IBA57: variants seen among roughly 807,000 people sequenced by gnomAD.
The protein encoded by IBA57 is iron-sulfur cluster assembly factor IBA57.
Under a neutral mutation model 20.4 loss-of-function variants are expected in IBA57, and 20 were observed. The observed-to-expected ratio is 0.98, with a 90% CI of 0.69 to 1.42. The LOEUF (loss-of-function observed/expected upper bound fraction) is 1.42. Ranked by LOEUF, IBA57 falls within the 40% of genes most tolerant of loss-of-function variation. The pLI, the probability that IBA57 is intolerant of heterozygous loss-of-function variation, is 0.00. For missense variants in IBA57, 608 were observed against 499.3 expected (o/e 1.22, Z -2.07); for synonymous variants, 310 against 233.9 (o/e 1.33, Z -2.97).
chr1:228,173,447 C>G (rs2034955207), intron 1 of IBA57: 1 of 151,268 alleles, frequency 6.6e-6, no homozygotes, highest in Non-Finnish European at 1.5e-5. Flanking sequence ...CCTCTTCCCA[C>G]CATCCGTCTG....
rs72757811 is a variant in IBA57 at position 228,181,161 on chromosome 1, T to C, written c.*5648T>C. 37,751 of 152,158 alleles carry C rather than the reference T, an allele frequency of 0.25. 5,798 individuals carry two copies. Among genetic ancestry groups the C allele is most frequent in the Non-Finnish European group, 0.35 (23,858 of 68,002 alleles). 9.4% of individuals were successfully genotyped at this position (152,158 alleles called of 1,614,324 possible). On this transcript the variant is annotated 3_prime_UTR_variant, in exon 3 of 3. Coordinates refer to ENST00000366711, the MANE Select transcript of IBA57 (RefSeq NM_001010867.4). ...TATGAAAGGGTAAGTCCAGCCCGCT[T>C]GTGCCTCTCTTGCCCTCCAGTGTTC...
intron 1 of IBA57, among the ~76,000 whole-genome samples, chr1:228,167,211 A>G (rs2034865333): frequency 6.6e-6 from 1 of 152,178 alleles, no homozygotes; most frequent in Non-Finnish European, 1.5e-5. Flanking sequence ...TCCATATCAC[A>G]TCTCTGGGCA....
rs2035002936 is a variant in IBA57 at position 228,175,495 on chromosome 1, G to A, written c.1053G>A (p.Trp351Ter). 2 of 1,576,954 alleles carry A rather than the reference G, an allele frequency of 1.3e-6. No individual in the cohort carries two copies. Among genetic ancestry groups the A allele is most frequent in the Admixed American group, 3.5e-5 (2 of 56,652 alleles). ...TAGCCGCATCTGTGCCAGACTGGTG[G>A]CCTACAGTCTCCAAGTAGTCCGAAG... ...VALAASVPDW[W>*]PTVSK The change falls in exon 3 of 3, where the codon TGG becomes TGA. Residue 351 changes from tryptophan to a stop codon, truncating the protein, a stop_gained. Transcript: ENST00000366711. LOFTEE classifies it high-confidence loss of function.
chr1:228,172,939 A>T (rs1391075952), intron 1 of IBA57: 1 of 152,130 alleles, frequency 6.6e-6, no homozygotes, highest in Non-Finnish European at 1.5e-5. Flanking sequence ...TGTGTAAATG[A>T]CATATGTTCC....
chr1:228,175,683 C>T lies in IBA57; in HGVS notation c.*170C>T, dbSNP rs2035007419. ...TGCCCTGCCTGGCCCCACCCATGCT[C>T]AGGGGCCCCAGGCACGTGGGTTGTT... On this transcript the variant is annotated 3_prime_UTR_variant, in exon 3 of 3. Transcript: ENST00000366711. The T allele has an allele frequency of 3.8e-6, 3 of 791,922 alleles. No homozygotes were observed. The highest frequency in any genetic ancestry group is 5.6e-6 in the Non-Finnish European group (3 of 539,344). The allele number at this position is 791,922 out of a possible 1,614,324, so 49.1% of individuals were successfully genotyped here. A position where few individuals can be genotyped will look rare whatever the true frequency, so the allele number is the denominator to read the frequency against.
rs751587223 is a variant in IBA57, at chr1:228,174,921, A to G, written c.571A>G (p.Thr191Ala). ...CGCCATCCTCATCCGCGACCCGCGA[A>G]CAGCACGCATGGGGTGGCGGCTCCT... ...AAAILIRDPR[T>A]ARMGWRLLTQ... The change falls in exon 2 of 3, where the codon ACA becomes GCA. Residue 191 changes from threonine (T) to alanine (A), a missense_variant. Coordinates refer to ENST00000366711, the MANE Select transcript of IBA57 (RefSeq NM_001010867.4). The G allele has an allele frequency of 3.1e-6, 5 of 1,598,386 alleles. No homozygotes were observed. The South Asian group carries it at 5.5e-5, about 18-fold the overall frequency.
intron 1 of IBA57, chr1:228,174,461 C>A (rs1347975103): frequency 4.0e-6 from 1 of 247,238 alleles, no homozygotes; most frequent in Non-Finnish European, 7.0e-6. Context: ...GTGGGCGTGG[C>A]TCGCTGTGGG....
At chr1:228,173,157 A>T (rs1461562219) in intron 1 of IBA57, 1 of 152,478 alleles carries the variant, frequency 6.6e-6, no homozygotes, top group African/African-American at 2.4e-5. Context: ...GTGAGACTGC[A>T]GAGATGAGGG....
Position 228,170,645 on chromosome 1 carries a change from C to T in IBA57, c.342-4047C>T. 6.6e-6 allele frequency among the ~76,000 whole-genome samples: 1 copy of T among 152,160 alleles called. No homozygotes were observed. The highest frequency in any genetic ancestry group is 1.9e-4 in the East Asian group (1 of 5,188). On this transcript the variant is annotated intron_variant, in intron 1 of 2. Coordinates refer to ENST00000366711, the MANE Select transcript of IBA57 (RefSeq NM_001010867.4). The surrounding 1 kb of genome is among the most constrained non-coding windows in gnomAD (Gnocchi z 4.8). ...TTTTGATCTCTCTTCATGTAGGAGGCAGAGAGAGGCTGTAGGGTCATGTTG... is the reference window on the plus strand; with the variant it reads ...TTTTGATCTCTCTTCATGTAGGAGGTAGAGAGAGGCTGTAGGGTCATGTTG...
chr1:228,166,113 C>T lies in IBA57; in HGVS notation c.297C>T (p.Phe99=). Residue 99 remains phenylalanine, a synonymous_variant, in exon 1 of 3, where the codon TTC becomes TTT. Coordinates refer to ENST00000366711, the MANE Select transcript of IBA57 (RefSeq NM_001010867.4). ...PPAARAGYAH[F]LNVQGRTLYD... is the part of the protein sequence containing the mutation. Reference sequence around the variant, plus strand: ...CTGCGCGCGCGGGCTACGCCCACTTCCTGAACGTGCAGGGCCGGACGCTCT... The same window carrying T: ...CTGCGCGCGCGGGCTACGCCCACTTTCTGAACGTGCAGGGCCGGACGCTCT... The T allele has an allele frequency of 6.5e-7, 1 of 1,539,852 alleles. No individual in the cohort carries two copies. The highest frequency in any genetic ancestry group is 1.2e-5 in the South Asian group (1 of 82,556).
In IBA57 at chr1:228,177,825, T is replaced by G. The variant is rs1296816286; in HGVS notation, c.*2312T>G. On this transcript the variant is annotated 3_prime_UTR_variant, in exon 3 of 3. Coordinates refer to ENST00000366711, the MANE Select transcript of IBA57 (RefSeq NM_001010867.4). ...CAAATCAGTTTTCACCAAAATGTCC[T>G]TAGTCCTCTCAGAAAGGCCTGGCCT... is the stretch of plus-strand genomic sequence containing the variant. 1 of 152,222 alleles carries G rather than the reference T, an allele frequency of 6.6e-6. No homozygotes were observed. Among genetic ancestry groups the G allele is most frequent in the Non-Finnish European group, 1.5e-5 (1 of 68,052 alleles). 9.4% of individuals were successfully genotyped at this position (152,222 alleles called of 1,614,324 possible).
intron 1 of IBA57, among the ~76,000 whole-genome samples, chr1:228,168,281 G>C (rs1297757281): frequency 1.3e-5 from 2 of 152,122 alleles, no homozygotes; most frequent in African/African-American, 4.8e-5. Flanking sequence ...TTACCGTATT[G>C]TAATACAGTA....
rs1158499086 is a variant in IBA57, at chr1:228,177,553, A to C, written c.*2040A>C. 6.9e-6 allele frequency: 1 copy of C among 145,718 alleles called. No homozygotes were observed. Among genetic ancestry groups the C allele is most frequent in the Non-Finnish European group, 1.5e-5 (1 of 67,218 alleles). 9.0% of individuals were successfully genotyped at this position (145,718 alleles called of 1,614,324 possible). On this transcript the variant is annotated 3_prime_UTR_variant, in exon 3 of 3. Transcript: ENST00000366711. ...TGGCCAGGCTGGAGCTCAGTGGCAC[A>C]ATCTCTGCTCACTGCAACCTCTGCC...
In IBA57 at chr1:228,174,785, C is replaced by T. The variant is rs1435772001; in HGVS notation, c.435C>T (p.Ile145=). 2.5e-6 allele frequency: 4 copies of T among 1,610,938 alleles called. No individual in the cohort carries two copies. The highest frequency in any genetic ancestry group is 3.4e-6 in the Non-Finnish European group (4 of 1,179,646). The stretch of plus-strand genomic sequence containing the variant: ...AGAAGCACCTCGCGCTATACAGGAT[C>T]CGGCGGAAGGTCACGGTGGAGCCGC... ...ALQKHLALYR[I]RRKVTVEPHP... The change falls in exon 2 of 3, where the codon ATC becomes ATT. Residue 145 remains isoleucine (I), a synonymous_variant. Transcript: ENST00000366711.
At chr1:228,173,729 C>T (rs939382483) in intron 1 of IBA57, among the ~76,000 whole-genome samples, 1 of 152,186 alleles carries the variant, frequency 6.6e-6, no homozygotes, top group African/African-American at 2.4e-5. Context: ...AGTGGCTGTG[C>T]ACACCGTTCC....
Position 228,170,611 on chromosome 1 carries a change from A to G in IBA57, c.342-4081A>G, listed in dbSNP as rs1194575381. 1.3e-5 allele frequency among the ~76,000 whole-genome samples: 2 copies of G among 152,086 alleles called. No individual in the cohort carries two copies. The highest frequency in any genetic ancestry group is 2.1e-4 in the South Asian group (1 of 4,822). On this transcript the variant is annotated intron_variant, in intron 1 of 2. Coordinates refer to ENST00000366711, the MANE Select transcript of IBA57 (RefSeq NM_001010867.4). This position sits in a 1 kb window ranked among gnomAD's most constrained non-coding sequence, Gnocchi z 4.8. ...CCTGGCCTCCTTAGGGTCCCTTTCT[A>G]TCAGTTGGTTTTGATCTCTCTTCAT...
rs2035009186 is a variant in IBA57, at chr1:228,175,773, C to A, written c.*260C>A. 1 of 402,048 alleles carries A rather than the reference C, an allele frequency of 2.5e-6. No individual in the cohort carries two copies. Among genetic ancestry groups the A allele is most frequent in the South Asian group, 5.3e-5 (1 of 19,004 alleles). 24.9% of individuals were successfully genotyped at this position (402,048 alleles called of 1,614,324 possible). On this transcript the variant is annotated 3_prime_UTR_variant, in exon 3 of 3. Transcript: ENST00000366711. ...TGTGAGTGCTGGGCTCCAGATGGCG[C>A]CGGGTCCCAATCGTGGCTCCACACA...
chr1:228,167,159 T>C (rs1477604948), intron 1 of IBA57, among the ~76,000 whole-genome samples: 1 of 152,228 alleles, frequency 6.6e-6, no homozygotes, highest in South Asian at 2.1e-4. Context: ...TTATTCTTGA[T>C]GTCGTGAAAT....
In IBA57 at chr1:228,179,868, A is replaced by T. The variant is rs1305121243; in HGVS notation, c.*4355A>T. On this transcript the variant is annotated 3_prime_UTR_variant, in exon 3 of 3. Transcript: ENST00000366711. Reference sequence around the variant, plus strand: ...TACCCAGAAAATCCGTCTTTCAAGAATGAGGGGCCAGGCGCAGTGGCTCAC... The same window carrying T: ...TACCCAGAAAATCCGTCTTTCAAGATTGAGGGGCCAGGCGCAGTGGCTCAC... 1.3e-5 allele frequency: 2 copies of T among 152,154 alleles called. No homozygotes were observed. The highest frequency in any genetic ancestry group is 4.8e-5 in the African/African-American group (2 of 41,426). 9.4% of individuals were successfully genotyped at this position (152,154 alleles called of 1,614,324 possible).
Sources: gnomAD v4.1 joint callset for allele counts (sites outside exome capture counted in the v4.1 genomes callset) on GRCh38, gnomAD v4.1.1 for gene constraint, Gnocchi (gnomAD v3.1) non-coding constraint, MANE v1.5 for transcripts, NCBI Gene and HGNC (gene_info 2026-07-23, HGNC 2026-07-21) for gene names.